Variants in ITM2B observed in about 807,000 individuals in gnomAD.
The protein encoded by ITM2B is integral membrane protein 2B.
In ITM2B, 11 loss-of-function variants were observed where a neutral mutation model predicts 27.8. The ratio of observed to expected loss-of-function variants is 0.40; its 90% CI spans 0.25 to 0.66. The LOEUF is 0.66. ITM2B is among the 30% of genes least tolerant of loss of function. The pLI, the probability that ITM2B is intolerant of heterozygous loss-of-function variation, is 0.43. For synonymous variants in ITM2B, 114 were observed against 114.3 expected (o/e 1.00, Z 0.02); for missense variants, 296 against 328.9 (o/e 0.90, Z 0.77).
At chr13:48,239,687 T>C (rs926516991) in intron 1 of ITM2B, among the ~76,000 whole-genome samples, 2 of 152,238 alleles carry the variant, frequency 1.3e-5, no homozygotes, top group Non-Finnish European at 2.9e-5. Flanking sequence ...CCAGTGTTGC[T>C]GGATCCTCCA....
intron 1 of ITM2B, among the ~76,000 whole-genome samples, chr13:48,235,291 C>T (rs1951661363): frequency 6.6e-6 from 1 of 152,198 alleles, no homozygotes; most frequent in Non-Finnish European, 1.5e-5. Flanking sequence ...ATTTTGTGGT[C>T]ATTGCAGCTA....
rs753591191 is a variant in ITM2B at position 48,258,937 on chromosome 13, A to G, written c.705A>G (p.Glu235=). ...DKETYKLQRR[E]TIKGIQKREA... is the part of the protein sequence containing the mutation. ...AAACTTACAAACTGCAACGCAGAGA[A>G]ACTATTAAAGGTAATACTTTTTAAA... Residue 235 remains glutamate, a synonymous_variant, in exon 5 of 6, where the codon GAA becomes GAG. Transcript: ENST00000647800. 5.6e-6 allele frequency: 9 copies of G among 1,612,834 alleles called. No individual in the cohort carries two copies. The highest frequency in any genetic ancestry group is 7.6e-6 in the Non-Finnish European group (9 of 1,179,032).
At chr13:48,258,352 C>A in intron 4 of ITM2B, 116 bp downstream of exon 4, 1 of 720,930 alleles carries the variant, frequency 1.4e-6, no homozygotes. Flanking sequence ...AAGAATTTTA[C>A]AAAGAGGAAC....
chr13:48,254,371 C>A (rs1449734642), intron 2 of ITM2B, among the ~76,000 whole-genome samples: 1 of 152,190 alleles, frequency 6.6e-6, no homozygotes, highest in East Asian at 1.9e-4. Flanking sequence ...TACAGTAAGA[C>A]CATGTCTCTG....
intron 1 of ITM2B, among the ~76,000 whole-genome samples, chr13:48,250,689 C>T (rs1253771246): frequency 6.6e-6 from 1 of 151,708 alleles, no homozygotes; most frequent in Non-Finnish European, 1.5e-5. Flanking sequence ...CAAGCCTAAG[C>T]TTGGCTTGGA....
intron 1 of ITM2B, among the ~76,000 whole-genome samples, chr13:48,248,444 A>G (rs1033223569): frequency 6.6e-6 from 1 of 152,168 alleles, no homozygotes; most frequent in African/African-American, 2.4e-5. Context: ...TCACTAGTTG[A>G]ATCTTTTTAG....
chr13:48,259,031 C>G, intron 5 of ITM2B, 84 bp downstream of exon 5: 1 of 934,208 alleles, frequency 1.1e-6, no homozygotes, highest in Non-Finnish European at 1.7e-6. Flanking sequence ...TCATTGTTAC[C>G]AATATACCTG....
Position 48,236,927 on chromosome 13 carries a change from T to C in ITM2B, c.117+3450T>C, listed in dbSNP as rs188601455. ...GAGAGAGAAAAGTAAAGTGCTGATA[T>C]AGGAGAGAAAATAGTGGCAGGGTGA... On this transcript the variant is annotated intron_variant, in intron 1 of 5. Coordinates refer to ENST00000647800, the MANE Select transcript of ITM2B (RefSeq NM_021999.5). Among the ~76,000 whole-genome samples the C allele has an allele frequency of 3.9e-5, 6 of 152,276 alleles. No individual in the cohort carries two copies. In the East Asian group the frequency reaches 9.6e-4, roughly 24 times the overall value.
rs1951833054 is a variant in ITM2B, at chr13:48,263,406, C to T, written c.*2182C>T. The T allele has an allele frequency of 6.6e-6, 1 of 151,882 alleles. No individual in the cohort carries two copies. The allele number at this position is 151,882 out of a possible 1,614,324, so 9.4% of individuals were successfully genotyped here. On this transcript the variant is annotated 3_prime_UTR_variant, in exon 6 of 6. Transcript: ENST00000647800. ...TTCTAGGGCTGAATGAATAATGTGC[C>T]CTTTGAACCCTTGTGCCATGCTGGA...
rs537108925 is a variant in ITM2B at position 48,241,354 on chromosome 13, G to T, written c.117+7877G>T. Among the ~76,000 whole-genome samples, 5 of 152,200 alleles carry T rather than the reference G, an allele frequency of 3.3e-5. No individual in the cohort carries two copies. In the South Asian group the frequency reaches 8.3e-4, roughly 25 times the overall value. ...AGTCTCCCGAGTAGCTGGGATTACA[G>T]GTGCCCACCACCACTCCCAGCTAAT... On this transcript the variant is annotated intron_variant, in intron 1 of 5. Coordinates refer to ENST00000647800, the MANE Select transcript of ITM2B (RefSeq NM_021999.5).
chr13:48,233,266 C>T lies in ITM2B; in HGVS notation c.-95C>T. 2 of 738,540 alleles carry T rather than the reference C, an allele frequency of 2.7e-6. No individual in the cohort carries two copies. 45.7% of individuals were successfully genotyped at this position (738,540 alleles called of 1,614,324 possible). ...CTCTTCAGCCGCCCGGAGCCGCTCC[C>T]GGAGCCCGGCCGTAGAGGCTGCAAT... On this transcript the variant is annotated 5_prime_UTR_variant, in exon 1 of 6. Transcript: ENST00000647800.
chr13:48,256,464 T>C, intron 3 of ITM2B, 81 bp downstream of exon 3: 1 of 1,101,892 alleles, frequency 9.1e-7, no homozygotes, highest in Admixed American at 1.8e-5. Context: ...CAATATTTGC[T>C]AATTTATTAT....
intron 1 of ITM2B, among the ~76,000 whole-genome samples, chr13:48,249,428 G>A (rs1030525912): frequency 5.3e-5 from 8 of 152,130 alleles, no homozygotes; most frequent in African/African-American, 1.9e-4. Flanking sequence ...TATAAATAAT[G>A]ATGCTGTAAA....
intron 1 of ITM2B, among the ~76,000 whole-genome samples, chr13:48,245,507 C>G (rs868505933): frequency 6.0e-5 from 9 of 151,112 alleles, no homozygotes; most frequent in South Asian, 2.1e-4. Context: ...AAGTTATGAT[C>G]CAGTTCTAAA....
chr13:48,235,265 A>G (rs1156410142), intron 1 of ITM2B, among the ~76,000 whole-genome samples: 5 of 152,222 alleles, frequency 3.3e-5, no homozygotes, highest in Admixed American at 3.3e-4. Flanking sequence ...ATTGCTCACG[A>G]GTTCACCATA....
chr13:48,249,589 A>G (rs1951741760), intron 1 of ITM2B, among the ~76,000 whole-genome samples: 1 of 152,128 alleles, frequency 6.6e-6, no homozygotes. Flanking sequence ...TCTTTTTTCT[A>G]ATACCTAATC....
At chr13:48,243,987 T>TA (rs1270159309) in intron 1 of ITM2B, among the ~76,000 whole-genome samples, 1 of 152,148 alleles carries the variant, frequency 6.6e-6, no homozygotes, top group Non-Finnish European at 1.5e-5. Flanking sequence ...AAGCAGCACA[T>TA]AGAGTCAAGA....
chr13:48,257,971 A>T (rs1034350510), intron 3 of ITM2B, among the ~76,000 whole-genome samples, 155 bp from the exon 4 acceptor site: 2 of 152,166 alleles, frequency 1.3e-5, no homozygotes, highest in African/African-American at 2.4e-5. Context: ...CCCACTTCCA[A>T]CTTTATCCAG....
At chr13:48,252,466 A>C (rs544996634) in intron 1 of ITM2B, among the ~76,000 whole-genome samples, 4 of 152,136 alleles carry the variant, frequency 2.6e-5, no homozygotes, top group Non-Finnish European at 5.9e-5. Context: ...TGAACTGTGC[A>C]TGTTAGGGAT....
Sources: gnomAD v4.1 joint callset for allele counts (sites outside exome capture counted in the v4.1 genomes callset) on GRCh38, gnomAD v4.1.1 for gene constraint, MANE v1.5 for transcripts, NCBI Gene and HGNC (gene_info 2026-07-23, HGNC 2026-07-21) for gene names.